SEPTIN9: variants seen among roughly 807,000 people sequenced by gnomAD.
The protein encoded by SEPTIN9 is septin 9, also known as septin-9.
A neutral mutation model predicts 56.6 loss-of-function variants in SEPTIN9; 13 were observed. The ratio of observed to expected loss-of-function variants is 0.23; its 90% CI spans 0.15 to 0.37. The LOEUF (loss-of-function observed/expected upper bound fraction) is 0.37, where lower values mean the gene tolerates loss of function less well. SEPTIN9 is among the 10% of genes least tolerant of loss of function. The pLI is 1.00. For synonymous variants in SEPTIN9, 332 were observed against 334.1 expected, an observed-to-expected ratio of 0.99 and a Z score of 0.07; for missense variants, 650 against 823.1, an observed-to-expected ratio of 0.79 and a Z score of 2.57.
chr17:77,432,572 C>T (rs1225778395), intron 3 of SEPTIN9, among the ~76,000 whole-genome samples: 3 of 152,216 alleles, frequency 2.0e-5, no homozygotes, highest in Non-Finnish European at 4.4e-5. Context: ...ACCAGCCCCT[C>T]CTCAGGCCAG....
Position 77,498,708 on chromosome 17 carries a change from C to CG in SEPTIN9, c.*50_*51insG. 1 of 1,145,290 alleles carries CG rather than the reference C, an allele frequency of 8.7e-7. No individual in the cohort carries two copies. The highest frequency in any genetic ancestry group is 1.3e-6 in the Non-Finnish European group (1 of 787,044). The allele number at this position is 1,145,290 out of a possible 1,614,324, so 70.9% of individuals were successfully genotyped here. A position where few individuals can be genotyped will look rare whatever the true frequency, so the allele number is the denominator to read the frequency against. On this transcript the variant is annotated 3_prime_UTR_variant, in exon 12 of 12. Transcript: ENST00000427177. ...TCCTGCCCCCAAGTCATTTCCGTCCCCCCCCAGGCCCTCCCACCACCCCAT... is the reference window on the plus strand; with the variant it reads ...TCCTGCCCCCAAGTCATTTCCGTCCCGCCCCCAGGCCCTCCCACCACCCCAT...
intron 2 of SEPTIN9, among the ~76,000 whole-genome samples, chr17:77,347,605 C>A (rs2033929121): frequency 6.6e-6 from 1 of 151,710 alleles, no homozygotes; most frequent in African/African-American, 2.4e-5. Context: ...TTTATGTAGC[C>A]TCTCCAGCCT....
At chr17:77,466,058 A>T (rs1477810947) in intron 3 of SEPTIN9, among the ~76,000 whole-genome samples, 220 of 16,276 alleles carry the variant, frequency 0.014, no homozygotes, top group Middle Eastern at 0.045. Flanking sequence ...GGACTGTCAC[A>T]CACACACACA....
chr17:77,335,636 G>A (rs35610158), intron 2 of SEPTIN9, among the ~76,000 whole-genome samples: 3 of 146,020 alleles, frequency 2.1e-5, no homozygotes, highest in Admixed American at 1.4e-4. Flanking sequence ...ATGTGGTCCT[G>A]TATTAGTATA....
At chr17:77,403,817 C>T (rs888465366) in intron 3 of SEPTIN9, among the ~76,000 whole-genome samples, 1 of 152,196 alleles carries the variant, frequency 6.6e-6, no homozygotes, top group African/African-American at 2.4e-5. Context: ...TTGCAGTGTA[C>T]GTTTCAGCGG....
chr17:77,393,907 A>G (rs1250104021), intron 2 of SEPTIN9, among the ~76,000 whole-genome samples: 1 of 152,124 alleles, frequency 6.6e-6, no homozygotes, highest in Admixed American at 6.5e-5. Context: ...TTATTACCCC[A>G]TCACCTCCTA....
At chr17:77,383,093 C>T (rs1178432515) in intron 2 of SEPTIN9, among the ~76,000 whole-genome samples, 3 of 152,104 alleles carry the variant, frequency 2.0e-5, no homozygotes, top group Non-Finnish European at 4.4e-5. Context: ...GGCTCCTGCA[C>T]ACAGCTGCCC....
intron 3 of SEPTIN9, among the ~76,000 whole-genome samples, chr17:77,404,635 G>C (rs910784402): frequency 8.5e-5 from 13 of 152,132 alleles, no homozygotes; most frequent in African/African-American, 2.4e-5. Context: ...GTGTGGGTTT[G>C]GGGGGAGACC....
At chr17:77,379,519 C>T (rs550530772) in intron 2 of SEPTIN9, among the ~76,000 whole-genome samples, 1 of 152,284 alleles carries the variant, frequency 6.6e-6, no homozygotes, top group Admixed American at 6.5e-5. Context: ...GAGAGAGGTG[C>T]TGTTCCCTGA....
chr17:77,438,735 A>G (rs1169563084), intron 3 of SEPTIN9, among the ~76,000 whole-genome samples: 1 of 152,190 alleles, frequency 6.6e-6, no homozygotes, highest in Non-Finnish European at 1.5e-5. Context: ...GTGTGGGACT[A>G]ATCTGTGTTG....
chr17:77,477,464 G>A (rs984674631), intron 3 of SEPTIN9, among the ~76,000 whole-genome samples: 1 of 152,200 alleles, frequency 6.6e-6, no homozygotes, highest in Non-Finnish European at 1.5e-5. Flanking sequence ...GTTGGCGCAC[G>A]CTCGTGCCTT....
intron 2 of SEPTIN9, chr17:77,373,740 G>T (rs1264264055): frequency 2.5e-6 from 3 of 1,224,486 alleles, no homozygotes; most frequent in South Asian, 1.9e-5. Context: ...CCGCCTACGT[G>T]GGGGACCCTG....
Position 77,388,810 on chromosome 17 carries a change from C to CTTTT in SEPTIN9, c.77-13228_77-13225dup, listed in dbSNP as rs5822196. Among the ~76,000 whole-genome samples the CTTTT allele has an allele frequency of 2.5e-3, 197 of 78,008 alleles. 3 individuals carry two copies. The highest frequency in any genetic ancestry group is 5.8e-3 in the African/African-American group (96 of 16,600). 51.2% of individuals were successfully genotyped at this position (78,008 alleles called of 152,430 possible). On this transcript the variant is annotated intron_variant, in intron 2 of 11. Coordinates refer to ENST00000427177, the MANE Select transcript of SEPTIN9 (RefSeq NM_001113491.2). Reference sequence around the variant, plus strand: ...GCCAAGTGGCCCCTGGTGTTAGGCGCTTTTTTTTTTTTTTTTTTTTTTTTG... The same window carrying CTTTT: ...GCCAAGTGGCCCCTGGTGTTAGGCGCTTTTTTTTTTTTTTTTTTTTTTTTTTTTG...
In SEPTIN9 at chr17:77,429,298, G is replaced by A. The variant is rs1257293690; in HGVS notation, c.721+26595G>A. On this transcript the variant is annotated intron_variant, in intron 3 of 11. Transcript: ENST00000427177. This position sits in a 1 kb window ranked among gnomAD's most constrained non-coding sequence, Gnocchi z 5.2. ...TTGATGGTGCCGATGCCGTCAGCAC[G>A]CAGGCCTCCTGCCCTCGCCACGACT... is the stretch of plus-strand genomic sequence containing the variant. 6.4e-6 allele frequency: 3 copies of A among 470,906 alleles called. No homozygotes were observed. The highest frequency in any genetic ancestry group is 2.0e-5 in the African/African-American group (1 of 50,090). 29.2% of individuals were successfully genotyped at this position (470,906 alleles called of 1,614,324 possible). A position where few individuals can be genotyped will look rare whatever the true frequency, so the allele number is the denominator to read the frequency against.
At chr17:77,409,506 G>T (rs1006097895) in intron 3 of SEPTIN9, among the ~76,000 whole-genome samples, 1 of 152,236 alleles carries the variant, frequency 6.6e-6, no homozygotes, top group Non-Finnish European at 1.5e-5. Context: ...GCGCAGCTGC[G>T]GGGAAGGGTG....
intron 4 of SEPTIN9, among the ~76,000 whole-genome samples, chr17:77,485,273 G>A (rs866792091): frequency 8.0e-6 from 1 of 124,852 alleles, no homozygotes; most frequent in East Asian, 2.5e-4. Flanking sequence ...ATGGTGATGT[G>A]GGTGATGGTG....
intron 2 of SEPTIN9, chr17:77,377,087 C>G (rs1490887392): frequency 6.6e-6 from 1 of 152,276 alleles, no homozygotes; most frequent in African/African-American, 2.4e-5. Context: ...CCTTTGCTCC[C>G]CCTTCAAGAT....
At chr17:77,338,014 T>A (rs1388171763) in intron 2 of SEPTIN9, among the ~76,000 whole-genome samples, 1 of 152,060 alleles carries the variant, frequency 6.6e-6, no homozygotes, top group East Asian at 1.9e-4. Context: ...CTGGCCAACA[T>A]GGTGAAACCT....
At chr17:77,482,954 G>T (rs1292792590) in intron 4 of SEPTIN9, 6 of 187,008 alleles carry the variant, frequency 3.2e-5, no homozygotes, top group Non-Finnish European at 6.8e-5. Context: ...CTGTGAAGGG[G>T]GCGTCCCGTT....
Sources: allele counts gnomAD v4.1 joint callset (sites outside exome capture counted in the v4.1 genomes callset), GRCh38; gene constraint gnomAD v4.1.1; non-coding constraint Gnocchi (gnomAD v3.1); transcripts MANE v1.5; gene names NCBI Gene and HGNC (gene_info 2026-07-23, HGNC 2026-07-21).